Variants in CNTNAP2 observed in about 807,000 individuals in gnomAD.
CNTNAP2 encodes contactin associated protein 2.
CNTNAP2 carries 98 observed loss-of-function variants against 155.2 expected under a neutral mutation model. The ratio of observed to expected loss-of-function variants is 0.63; its 90% CI spans 0.54 to 0.75. The LOEUF is 0.75. Among genes scored for constraint, CNTNAP2 ranks in the 30% least tolerant of loss-of-function variants. CNTNAP2 has a pLI of 0.00. For synonymous variants in CNTNAP2, 651 were observed against 631.2 expected, an observed-to-expected ratio of 1.03 and a Z score of -0.47; for missense variants, 1,727 against 1,688.1, an observed-to-expected ratio of 1.02 and a Z score of -0.40.
chr7:146,519,695 A>G (rs774712018), intron 1 of CNTNAP2, among the ~76,000 whole-genome samples: 4 of 151,910 alleles, frequency 2.6e-5, no homozygotes, highest in African/African-American at 7.2e-5. Flanking sequence ...ACAAGGAATC[A>G]AAGCCAAGAA....
intron 15 of CNTNAP2, among the ~76,000 whole-genome samples, chr7:148,011,540 T>C (rs1802080787): frequency 6.6e-6 from 1 of 152,202 alleles, no homozygotes; most frequent in Non-Finnish European, 1.5e-5. Flanking sequence ...GTGGCTTATT[T>C]CCTCATCTGT....
At chr7:148,226,750 G>T (rs1301989145) in intron 19 of CNTNAP2, among the ~76,000 whole-genome samples, 1 of 152,236 alleles carries the variant, frequency 6.6e-6, no homozygotes. Context: ...CCCAAGGGAA[G>T]AATCAGGGGA....
chr7:147,045,640 A>T (rs1799342429), intron 4 of CNTNAP2, among the ~76,000 whole-genome samples: 2 of 152,194 alleles, frequency 1.3e-5, no homozygotes, highest in African/African-American at 4.8e-5. Flanking sequence ...CATAAATTAG[A>T]ATCTTTGGTC....
intron 3 of CNTNAP2, among the ~76,000 whole-genome samples, chr7:146,988,585 CTTG>C (rs948442357): frequency 5.9e-5 from 9 of 152,092 alleles, no homozygotes; most frequent in African/African-American, 2.2e-4. Flanking sequence ...TATTTCTTAT[CTTG>C]TTGGAAGCTT....
intron 1 of CNTNAP2, among the ~76,000 whole-genome samples, chr7:146,576,665 A>C (rs899988212): frequency 1.3e-5 from 2 of 152,184 alleles, no homozygotes; most frequent in Non-Finnish European, 1.5e-5. Flanking sequence ...AGGTCAGAAA[A>C]TTGGGGAAGA....
At chr7:147,997,850 G>A (rs140800860) in intron 15 of CNTNAP2, among the ~76,000 whole-genome samples, 102 of 152,250 alleles carry the variant, frequency 6.7e-4, no homozygotes, top group Non-Finnish European at 1.1e-3. Context: ...CCGCACATGC[G>A]TGTTCATACG....
intron 15 of CNTNAP2, among the ~76,000 whole-genome samples, chr7:148,038,080 A>G (rs528634987): frequency 4.7e-4 from 72 of 152,344 alleles, no homozygotes; most frequent in Middle Eastern, 6.8e-3. Flanking sequence ...ATTTGTTTTC[A>G]TAAACAAATA....
intron 22 of CNTNAP2, chr7:148,389,749 G>C (rs914516988): frequency 1.3e-5 from 2 of 152,084 alleles, no homozygotes; most frequent in Admixed American, 6.5e-5. Flanking sequence ...ATTCACTCCT[G>C]AGCATGAAGC....
At chr7:147,744,291 A>G (rs1472253447) in intron 13 of CNTNAP2, among the ~76,000 whole-genome samples, 1 of 152,204 alleles carries the variant, frequency 6.6e-6, no homozygotes, top group African/African-American at 2.4e-5. Context: ...AAACTACAGA[A>G]CATTTAAAAT....
intron 13 of CNTNAP2, among the ~76,000 whole-genome samples, chr7:147,833,869 C>A (rs1298252444): frequency 2.0e-5 from 3 of 152,130 alleles, no homozygotes; most frequent in Admixed American, 6.5e-5. Context: ...AGGAATGGGG[C>A]TGAGTGTCAC....
chr7:147,981,337 T>C (rs2116869959), intron 15 of CNTNAP2, among the ~76,000 whole-genome samples: 1 of 152,354 alleles, frequency 6.6e-6, no homozygotes, highest in South Asian at 2.1e-4. Context: ...GCCACACATG[T>C]CAGTTACCAA....
chr7:147,890,589 C>A (rs556337318), intron 13 of CNTNAP2, among the ~76,000 whole-genome samples: 4 of 152,220 alleles, frequency 2.6e-5, no homozygotes, highest in African/African-American at 9.6e-5. Flanking sequence ...TGGAATCAAC[C>A]CAAGCGTCCA....
In CNTNAP2 at chr7:147,700,024, A is replaced by C. The variant is rs541945775; in HGVS notation, c.2098+60718A>C. 2.6e-5 allele frequency among the ~76,000 whole-genome samples: 4 copies of C among 152,270 alleles called. No individual in the cohort carries two copies. The South Asian group carries it at 8.3e-4, about 32-fold the overall frequency. Reference sequence around the variant, plus strand: ...CTTCTTAATGGCTTTTCAAGTTCTCACACTGACAATGTGGAAAATGTATTA... The same window carrying C: ...CTTCTTAATGGCTTTTCAAGTTCTCCCACTGACAATGTGGAAAATGTATTA... On this transcript the variant is annotated intron_variant, in intron 13 of 23. Coordinates refer to ENST00000361727, the MANE Select transcript of CNTNAP2 (RefSeq NM_014141.6).
At chr7:146,708,421 T>C (rs1403765657) in intron 1 of CNTNAP2, among the ~76,000 whole-genome samples, 1 of 151,964 alleles carries the variant, frequency 6.6e-6, no homozygotes, top group Non-Finnish European at 1.5e-5. Context: ...AGGAGACTTT[T>C]GCTGAAGCTT....
intron 1 of CNTNAP2, among the ~76,000 whole-genome samples, chr7:146,754,534 GTC>G (rs71525968): frequency 7.2e-4 from 103 of 142,780 alleles, no homozygotes; most frequent in East Asian, 5.8e-3. Context: ...GGTTGTTAGA[GTC>G]TCTCTCTCTC....
chr7:146,632,736 A>C (rs1052759679), intron 1 of CNTNAP2, among the ~76,000 whole-genome samples: 1 of 152,032 alleles, frequency 6.6e-6, no homozygotes, highest in Non-Finnish European at 1.5e-5. Flanking sequence ...ATATAATTTA[A>C]GAATATAAAT....
chr7:146,916,231 C>G (rs376986675), intron 3 of CNTNAP2, among the ~76,000 whole-genome samples: 1 of 152,010 alleles, frequency 6.6e-6, no homozygotes, highest in East Asian at 1.9e-4. Context: ...AGTATTTTAT[C>G]GAGAATTTTT....
At chr7:147,658,120 A>T (rs576063182) in intron 13 of CNTNAP2, among the ~76,000 whole-genome samples, 1 of 143,204 alleles carries the variant, frequency 7.0e-6, no homozygotes, top group Non-Finnish European at 1.5e-5. Context: ...AGCCGGGCGT[A>T]GTGGCGGGCG....
chr7:146,381,212 T>C (rs138345541), intron 1 of CNTNAP2, among the ~76,000 whole-genome samples: 33 of 152,240 alleles, frequency 2.2e-4, no homozygotes, highest in Admixed American at 1.8e-3. Context: ...CTTTGGCACA[T>C]TGGGACATGC....
Sources: gnomAD v4.1 joint callset for allele counts (sites outside exome capture counted in the v4.1 genomes callset) on GRCh38, gnomAD v4.1.1 for gene constraint, MANE v1.5 for transcripts, NCBI Gene and HGNC (gene_info 2026-07-23, HGNC 2026-07-21) for gene names.